EYA1: variants seen among roughly 807,000 people sequenced by gnomAD.
The protein encoded by EYA1 is EYA transcriptional coactivator and phosphatase 1.
EYA1 carries 16 observed loss-of-function variants against 82.0 expected under a neutral mutation model. That is an observed-to-expected ratio of 0.20 (90% CI 0.13 to 0.30). The LOEUF is 0.30. Among genes scored for constraint, EYA1 ranks in the 10% least tolerant of loss-of-function variants. The pLI is 1.00. For missense variants in EYA1, 633 were observed against 730.7 expected (o/e 0.87, Z 1.54); for synonymous variants, 261 against 264.4 (o/e 0.99, Z 0.12).
intron 2 of EYA1, among the ~76,000 whole-genome samples, chr8:71,407,889 T>G (rs1033272206): frequency 3.3e-5 from 5 of 150,012 alleles, no homozygotes; most frequent in African/African-American, 1.2e-4. Flanking sequence ...AAGATACTCC[T>G]TGAGAAGAGC....
chr8:71,338,861 C>T (rs1392714814), intron 3 of EYA1, among the ~76,000 whole-genome samples: 1 of 152,178 alleles, frequency 6.6e-6, no homozygotes, highest in Non-Finnish European at 1.5e-5. Flanking sequence ...AAGCTCATCT[C>T]ACAACTTTTC....
chr8:71,497,512 CATG>C (rs1358016032), intron 2 of EYA1, among the ~76,000 whole-genome samples: 1 of 152,086 alleles, frequency 6.6e-6, no homozygotes, highest in African/African-American at 2.4e-5. Context: ...AAATTAAAAT[CATG>C]ATAAGCTCTC....
At chr8:71,446,535 C>A (rs1273502425) in intron 2 of EYA1, among the ~76,000 whole-genome samples, 1 of 152,086 alleles carries the variant, frequency 6.6e-6, no homozygotes, top group Non-Finnish European at 1.5e-5. Flanking sequence ...ACTATTACAA[C>A]CATAATATCC....
rs935912194 is a variant in EYA1 at position 71,448,025 on chromosome 8, T to TTTTTTTTTTTTTGGGTAACGGAG, written c.33+87718_33+87719insCTCCGTTACCCAAAAAAAAAAAA. Among the ~76,000 whole-genome samples the TTTTTTTTTTTTTGGGTAACGGAG allele has an allele frequency of 3.9e-4, 45 of 116,728 alleles. 2 individuals are homozygous for TTTTTTTTTTTTTGGGTAACGGAG. Among genetic ancestry groups the TTTTTTTTTTTTTGGGTAACGGAG allele is most frequent in the Middle Eastern group, 4.1e-3 (1 of 244 alleles). The allele number at this position is 116,728 out of a possible 152,430, so 76.6% of individuals were successfully genotyped here. On this transcript the variant is annotated intron_variant, in intron 2 of 18. Coordinates refer to the EYA1 transcript ENST00000643681. ...GTTTAAGAGCTTTTTTTTTTTTTTTTTCTCGCTCCGTTGCCCAGGCTGCAG... is the reference window on the plus strand; with the variant it reads ...GTTTAAGAGCTTTTTTTTTTTTTTTTTTTTTTTTTTTTGGGTAACGGAGTCTCGCTCCGTTGCCCAGGCTGCAG...
At chr8:71,322,084 A>G in intron 5 of EYA1, 115 bp downstream of exon 5, 2 of 1,127,862 alleles carry the variant, frequency 1.8e-6, no homozygotes, top group Non-Finnish European at 2.7e-6. Context: ...TTACATCTCT[A>G]TGAAATGCAC....
chr8:71,285,547 C>A, intron 9 of EYA1, among the ~76,000 whole-genome samples: 1 of 152,228 alleles, frequency 6.6e-6, no homozygotes, highest in Admixed American at 6.5e-5. Context: ...TGAACTGAAA[C>A]GAATAACAGG....
intron 17 of EYA1, among the ~76,000 whole-genome samples, chr8:71,200,914 A>G (rs900109): frequency 0.35 from 50,515 of 143,992 alleles, 10,019 homozygotes; most frequent in East Asian, 0.78. Context: ...TGTGCATTGC[A>G]GGACAGAAAA....
At chr8:71,311,058 C>T (rs1563442884) in intron 7 of EYA1, among the ~76,000 whole-genome samples, 2 of 152,098 alleles carry the variant, frequency 1.3e-5, no homozygotes, top group Admixed American at 6.6e-5. Flanking sequence ...TACAGACTGC[C>T]TTACCTCAGC....
intron 2 of EYA1, among the ~76,000 whole-genome samples, chr8:71,514,807 A>C (rs1812849115): frequency 6.6e-6 from 1 of 152,178 alleles, no homozygotes; most frequent in Non-Finnish European, 1.5e-5. Flanking sequence ...CATATCAACT[A>C]TCAATGGTTA....
In EYA1 at chr8:71,299,238, C is replaced by G; in HGVS notation, c.640-5G>C. On this transcript the variant is annotated splice_region_variant and splice_polypyrimidine_tract_variant and intron_variant, in intron 8 of 17. Transcript: ENST00000340726. ...ACTGGGATAAGACGGATAGTCCTAC[C>G]AAATCAAACCACACAAGAATTGTCT... The G allele has an allele frequency of 6.2e-7, 1 of 1,613,538 alleles. No homozygotes were observed. The highest frequency in any genetic ancestry group is 8.5e-7 in the Non-Finnish European group (1 of 1,179,518).
chr8:71,230,815 A>C (rs899221509), intron 12 of EYA1, among the ~76,000 whole-genome samples: 3 of 152,234 alleles, frequency 2.0e-5, no homozygotes, highest in Non-Finnish European at 4.4e-5. Flanking sequence ...TGGAATTTTC[A>C]ATACATATTT....
chr8:71,303,134 T>G (rs1376779400), intron 7 of EYA1, among the ~76,000 whole-genome samples: 1 of 142,210 alleles, frequency 7.0e-6, no homozygotes, highest in African/African-American at 2.5e-5. Flanking sequence ...TAACTTTGAT[T>G]GCACTTCACA....
chr8:71,484,384 A>G (rs1810401734), intron 2 of EYA1, among the ~76,000 whole-genome samples: 1 of 152,222 alleles, frequency 6.6e-6, no homozygotes, highest in Non-Finnish European at 1.5e-5. Context: ...CACAAATTCT[A>G]AAGTGGCAGG....
intron 7 of EYA1, among the ~76,000 whole-genome samples, chr8:71,307,220 A>C (rs1255561019): frequency 1.3e-5 from 2 of 152,028 alleles, no homozygotes; most frequent in African/African-American, 4.8e-5. Context: ...TAGGGAAAGA[A>C]AAGATAAATA....
rs748575456 is a variant in EYA1 at position 71,215,621 on chromosome 8, G to C, written c.1468C>G (p.His490Asp). ...TLALKALSLIHSRTNCVNILV... is the reference protein window; with the variant it reads ...TLALKALSLIDSRTNCVNILV... ...CCCCGCAGAGAGCCTCACCGGGAGT[G>C]AATGAGCGAGAGTGCTTTCAGGGCC... is the stretch of plus-strand genomic sequence containing the variant. The change falls in exon 15 of 18, where the codon CAC becomes GAC. Residue 490 changes from histidine to aspartate, a missense_variant. Transcript: ENST00000340726. The C allele has an allele frequency of 8.7e-6, 14 of 1,613,842 alleles. No individual in the cohort carries two copies. Among genetic ancestry groups the C allele is most frequent in the Non-Finnish European group, 1.2e-5 (14 of 1,179,736 alleles).
rs1276453574 is a variant in EYA1, at chr8:71,254,858, A to G, written c.1051-10166T>C. ...CCCCCCACCCCGCCCCCCACCACAC[A>G]CACAGAGTCTGTTAGAACTAATGAA... On this transcript the variant is annotated intron_variant, in intron 11 of 17. Coordinates refer to ENST00000340726, the MANE Select transcript of EYA1 (RefSeq NM_000503.6). Among the ~76,000 whole-genome samples, 3 of 127,312 alleles carry G rather than the reference A, an allele frequency of 2.4e-5. No individual in the cohort carries two copies. The Admixed American group carries it at 2.7e-4, about 12-fold the overall frequency. The allele number at this position is 127,312 out of a possible 152,430, so 83.5% of individuals were successfully genotyped here.
intron 12 of EYA1, among the ~76,000 whole-genome samples, chr8:71,239,362 A>G (rs1327690199): frequency 2.0e-5 from 3 of 152,220 alleles, no homozygotes; most frequent in African/African-American, 7.2e-5. Context: ...CAACTCTATT[A>G]TCTTCTATGA....
intron 3 of EYA1, among the ~76,000 whole-genome samples, chr8:71,338,077 C>A (rs993263864): frequency 2.0e-5 from 3 of 150,402 alleles, no homozygotes; most frequent in Non-Finnish European, 4.4e-5. Context: ...AAATCAAAGT[C>A]TTTCTTAAGA....
chr8:71,492,599 G>A (rs1301748926), intron 2 of EYA1, among the ~76,000 whole-genome samples: 3 of 151,754 alleles, frequency 2.0e-5, no homozygotes, highest in African/African-American at 4.8e-5. Context: ...CCAGTAGCTC[G>A]GACTACAGGC....
Sources: gnomAD v4.1 joint callset for allele counts (sites outside exome capture counted in the v4.1 genomes callset) on GRCh38, gnomAD v4.1.1 for gene constraint, MANE v1.5 for transcripts, NCBI Gene and HGNC (gene_info 2026-07-23, HGNC 2026-07-21) for gene names.